The following PRIM2 variants were observed in gnomAD, a reference collection of about 807,000 sequenced individuals.
PRIM2 encodes DNA primase subunit 2, also known as DNA primase large subunit.
In PRIM2, 39 loss-of-function variants were observed where a neutral mutation model predicts 67.3. The observed-to-expected ratio is 0.58, with a 90% CI of 0.45 to 0.76. The LOEUF is 0.76. Among genes scored for constraint, PRIM2 ranks in the 30% least tolerant of loss-of-function variants. The pLI, the probability that PRIM2 is intolerant of heterozygous loss-of-function variation, is 0.00. For missense variants in PRIM2, 398 were observed against 598.7 expected (o/e 0.66, Z 3.50); for synonymous variants, 143 against 198.7 (o/e 0.72, Z 2.36).
At chr6:57,221,729 T>TGGGAGCTGGGAGG in the PRIM2 span, 1 of 152,216 alleles carries the variant, frequency 6.6e-6, no homozygotes, top group Non-Finnish European at 1.5e-5. Context: ...TACCCACCGC[T>TGGGAGCTGGGAGG]GGGAGCTGGG....
At chr6:57,490,481 A>G (rs1212019828) in intron 7 of PRIM2, among the ~76,000 whole-genome samples, 2 of 152,226 alleles carry the variant, frequency 1.3e-5, no homozygotes, top group African/African-American at 4.8e-5. Context: ...ATGAGGAGAT[A>G]ACAAAAGGAA....
chr6:57,630,512 A>C (rs1419286552), intron 12 of PRIM2, among the ~76,000 whole-genome samples: 58 of 151,816 alleles, frequency 3.8e-4, no homozygotes, highest in African/African-American at 1.4e-3. Flanking sequence ...TACCCAACTA[A>C]ATTTTTTATT....
chr6:57,412,520 C>T (rs1210713649), intron 7 of PRIM2, among the ~76,000 whole-genome samples: 9 of 151,780 alleles, frequency 5.9e-5, no homozygotes, highest in East Asian at 1.9e-4. Flanking sequence ...ATTTATGGAA[C>T]GGCTTTTATC....
At chr6:57,483,373 T>C (rs1773675600) in intron 7 of PRIM2, among the ~76,000 whole-genome samples, 1 of 152,222 alleles carries the variant, frequency 6.6e-6, no homozygotes, top group East Asian at 1.9e-4. Context: ...ATATGTCTTA[T>C]AGTCCTACCA....
chr6:57,222,784 GA>G, the PRIM2 span, among the ~76,000 whole-genome samples: 1 of 151,966 alleles, frequency 6.6e-6, no homozygotes, highest in East Asian at 1.9e-4. Flanking sequence ...AAATAGAATA[GA>G]AAAAAAAGAT....
At chr6:57,398,062 C>T (rs746631677) in intron 7 of PRIM2, among the ~76,000 whole-genome samples, 21 of 151,350 alleles carry the variant, frequency 1.4e-4, no homozygotes, top group Admixed American at 1.1e-3. Context: ...CGGGTTCAAG[C>T]GATTCTCCTA....
At chr6:57,425,440 C>T (rs1172815875) in intron 7 of PRIM2, among the ~76,000 whole-genome samples, 1 of 152,164 alleles carries the variant, frequency 6.6e-6, no homozygotes, top group African/African-American at 2.4e-5. Flanking sequence ...TGGTCTCGAT[C>T]TCTTGACCTT....
intron 12 of PRIM2, among the ~76,000 whole-genome samples, chr6:57,617,189 A>G (rs1346084591): frequency 6.6e-6 from 1 of 152,194 alleles, no homozygotes; most frequent in Admixed American, 6.5e-5. Flanking sequence ...TTGTAGATGC[A>G]TCACTCCAAA....
chr6:57,511,467 T>C (rs1774365940), intron 8 of PRIM2, among the ~76,000 whole-genome samples: 1 of 151,850 alleles, frequency 6.6e-6, no homozygotes, highest in African/African-American at 2.4e-5. Flanking sequence ...ATAAAATTTG[T>C]ATCATTTTCT....
chr6:57,424,001 A>G (rs1411554936), intron 7 of PRIM2, among the ~76,000 whole-genome samples: 1 of 152,076 alleles, frequency 6.6e-6, no homozygotes, highest in African/African-American at 2.4e-5. Context: ...TCTTGCTTTT[A>G]ATTTTGGGCT....
intron 7 of PRIM2, among the ~76,000 whole-genome samples, chr6:57,479,350 C>G (rs1773556944): frequency 6.6e-6 from 1 of 151,814 alleles, no homozygotes; most frequent in South Asian, 2.1e-4. Context: ...GTGTTGTAGA[C>G]TACTAAAAAA....
intron 7 of PRIM2, among the ~76,000 whole-genome samples, chr6:57,473,286 A>G (rs1357681740): frequency 5.3e-5 from 8 of 152,226 alleles, no homozygotes; most frequent in Non-Finnish European, 1.0e-4. Context: ...GGGAGGCGGC[A>G]CACAACATGA....
chr6:57,237,100 C>T, the PRIM2 span, among the ~76,000 whole-genome samples: 131,931 of 150,978 alleles, frequency 0.87, 58,643 homozygotes, highest in South Asian at 0.98. Context: ...TTTTAATGAT[C>T]GCCATTCTAA....
chr6:57,236,993 A>G, the PRIM2 span, among the ~76,000 whole-genome samples: 1 of 152,140 alleles, frequency 6.6e-6, no homozygotes, highest in Non-Finnish European at 1.5e-5. Flanking sequence ...TCGCCACACT[A>G]TCTTCCACAA....
chr6:57,240,091 G>GTTTTTTTTTTT, the PRIM2 span, among the ~76,000 whole-genome samples: 2 of 90,006 alleles, frequency 2.2e-5, 1 homozygote, highest in African/African-American at 8.8e-5. Context: ...TCAATAATCT[G>GTTTTTTTTTTT]TTTTTTTTTT....
chr6:57,355,229 G>A (rs535798394), intron 5 of PRIM2, among the ~76,000 whole-genome samples: 5 of 150,846 alleles, frequency 3.3e-5, no homozygotes, highest in South Asian at 4.2e-4. Context: ...ACTTGAACTC[G>A]AGAGGCGGAG....
chr6:57,477,935 A>G (rs1337783048), intron 7 of PRIM2, among the ~76,000 whole-genome samples: 1 of 152,230 alleles, frequency 6.6e-6, no homozygotes, highest in African/African-American at 2.4e-5. Context: ...CATCTATGTC[A>G]GTGATATTGC....
chr6:57,474,115 G>A (rs1773406520), intron 7 of PRIM2, among the ~76,000 whole-genome samples: 1 of 144,130 alleles, frequency 6.9e-6, no homozygotes, highest in East Asian at 2.1e-4. Context: ...CAAAGCATCA[G>A]TTTGTCCATT....
the PRIM2 span, among the ~76,000 whole-genome samples, chr6:57,276,412 A>C: frequency 6.7e-4 from 101 of 151,404 alleles, 1 homozygote; most frequent in East Asian, 0.019. Context: ...TAAACCAAAA[A>C]CAAAAGTTAA....
Sources: allele counts gnomAD v4.1 joint callset (sites outside exome capture counted in the v4.1 genomes callset), GRCh38; gene constraint gnomAD v4.1.1; transcripts MANE v1.5; gene names NCBI Gene and HGNC (gene_info 2026-07-23, HGNC 2026-07-21).